The following TSLP variants were observed in gnomAD, a reference collection of about 807,000 sequenced individuals.
TSLP encodes thymic stromal lymphopoietin, also known as thymic stroma-derived lymphopoietin.
A neutral mutation model predicts 12.4 loss-of-function variants in TSLP; 12 were observed. The ratio of observed to expected loss-of-function variants is 0.97; its 90% CI spans 0.62 to 1.57. The LOEUF is 1.57. Among genes scored for constraint, TSLP ranks in the 40% most tolerant of loss-of-function variants. The pLI, the probability that TSLP is intolerant of heterozygous loss-of-function variation, is 0.00. For synonymous variants in TSLP, 97 were observed against 69.5 expected, an observed-to-expected ratio of 1.40 and a Z score of -1.97; for missense variants, 222 against 189.6, an observed-to-expected ratio of 1.17 and a Z score of -1.00.
chr5:111,073,739 T>C lies in TSLP; in HGVS notation c.351+94T>C, dbSNP rs1025255353. 4 of 1,417,424 alleles carry C rather than the reference T, an allele frequency of 2.8e-6. No homozygotes were observed. The African/African-American group carries it at 4.3e-5, about 15-fold the overall frequency. 87.8% of individuals were successfully genotyped at this position (1,417,424 alleles called of 1,614,324 possible). On this transcript the variant is annotated intron_variant, in intron 3 of 3. Transcript: ENST00000344895. ...CAGAAGTCGTTCTCTTATTTTTATT[T>C]AGGTTTTATCTTTCGAAGAGCAAAC...
chr5:111,071,543 C>T, upstream of TSLP: 4 of 1,541,206 alleles, frequency 2.6e-6, no homozygotes, highest in Non-Finnish European at 3.5e-6. Flanking sequence ...GATGACTTTA[C>T]TGATGTTAAA....
chr5:111,070,703 G>C (rs769466431), upstream of TSLP: 1 of 152,332 alleles, frequency 6.6e-6, no homozygotes, highest in Non-Finnish European at 1.5e-5. Context: ...GTAAAAATCT[G>C]AGCCCGCCAT....
rs1752506634 is a variant in TSLP, at chr5:111,076,314, A to G, written c.*240A>G. On this transcript the variant is annotated 3_prime_UTR_variant, in exon 4 of 4. Coordinates refer to ENST00000344895, the MANE Select transcript of TSLP (RefSeq NM_033035.5). ...ATTGATGACTGGCTTCATGGCAGTA[A>G]TTCTCGGCTGTAGTTGCATAAGCAT... The G allele has an allele frequency of 6.4e-6, 3 of 469,976 alleles. No homozygotes were observed. In the South Asian group the frequency reaches 8.0e-5, roughly 12 times the overall value. 29.1% of individuals were successfully genotyped at this position (469,976 alleles called of 1,614,324 possible).
chr5:111,072,772 T>C (rs1357130602), intron 1 of TSLP, 116 bp from the exon 2 acceptor site: 8 of 1,018,268 alleles, frequency 7.9e-6, no homozygotes, highest in Non-Finnish European at 1.2e-5. Flanking sequence ...AAAAGGTACC[T>C]GAGTGGAAAC....
upstream of TSLP, chr5:111,070,156 T>C (rs1225127978): frequency 2.6e-5 from 4 of 152,280 alleles, no homozygotes; most frequent in Admixed American, 2.6e-4. Flanking sequence ...AGAGCCATTT[T>C]TGAAGTCAGC....
At position 111,073,483 on chromosome 5, in the gene TSLP, T is replaced by A. The variant is rs1224336075; in HGVS notation, c.217-28T>A. ...TTCTCTCTCTGGTGTTTTCTCCTTT[T>A]CTCGTAAACTTTGCCGCCTATGAGC... is the stretch of plus-strand genomic sequence containing the variant. On this transcript the variant is annotated intron_variant, in intron 2 of 3. Coordinates refer to ENST00000344895, the MANE Select transcript of TSLP (RefSeq NM_033035.5). 5.0e-6 allele frequency: 8 copies of A among 1,613,624 alleles called. No individual in the cohort carries two copies. The South Asian group carries it at 7.7e-5, about 16-fold the overall frequency.
chr5:111,072,842 G>A, intron 1 of TSLP, 46 bp from the exon 2 acceptor site: 1 of 1,599,298 alleles, frequency 6.3e-7, no homozygotes, highest in Non-Finnish European at 8.6e-7. Flanking sequence ...TTTCCTTGTG[G>A]ACTTAAAAGT....
chr5:111,071,341 C>T, upstream of TSLP: 1 of 1,081,200 alleles, frequency 9.2e-7, no homozygotes, highest in Admixed American at 3.2e-5. Context: ...GTTCAGAATG[C>T]ATGGGACATA....
At position 111,072,057 on chromosome 5, in the gene TSLP, GT is replaced by G. The variant is rs1439171338; in HGVS notation, c.168del (p.Ser56ArgfsTer27). 16 of 1,607,006 alleles carry G rather than the reference GT, an allele frequency of 1.0e-5. No individual in the cohort carries two copies. The highest frequency in any genetic ancestry group is 1.4e-5 in the Non-Finnish European group (16 of 1,175,006). On this transcript the variant is annotated frameshift_variant, in exon 1 of 4. Coordinates refer to ENST00000344895, the MANE Select transcript of TSLP (RefSeq NM_033035.5). LOFTEE classifies it high-confidence loss of function. Reference sequence around the variant, plus strand: ...TCTAAAGACCTGATTACATATATGAGTGGGGTAAGTGAAGAAGCTTTTTTAA... The same window carrying G: ...TCTAAAGACCTGATTACATATATGAGGGGGTAAGTGAAGAAGCTTTTTTAA... ...TISKDLITYMSGTKSTEFNNT... is the reference protein window; with the variant it reads ...TISKDLITYMXGTKSTEFNNT...
intron 3 of TSLP, among the ~76,000 whole-genome samples, chr5:111,074,309 A>G (rs562497891): frequency 1.2e-4 from 19 of 152,328 alleles, no homozygotes; most frequent in African/African-American, 4.6e-4. Context: ...TCCTGGCCCT[A>G]TAACTTCTGT....
chr5:111,075,555 C>G lies in TSLP; in HGVS notation c.352-391C>G, dbSNP rs79283270. Among the ~76,000 whole-genome samples, 143 of 152,310 alleles carry G rather than the reference C, an allele frequency of 9.4e-4. 3 individuals are homozygous for G. In the East Asian group the frequency reaches 0.026, roughly 27 times the overall value. On this transcript the variant is annotated intron_variant, in intron 3 of 3. Transcript: ENST00000344895. The stretch of plus-strand genomic sequence containing the variant: ...AGCAATTTATTCATTTACTTAATCA[C>G]TCAACAAATATTCAGTGTTTCCTAT...
intron 3 of TSLP, 128 bp from the exon 4 acceptor site, chr5:111,075,818 A>G: frequency 1.1e-6 from 1 of 946,288 alleles, no homozygotes. Context: ...ATGCTAGCAC[A>G]TAGTAAGCAG....
Position 111,073,539 on chromosome 5 carries a change from T to TAAC in TSLP, c.246_248dup (p.Thr83dup). On this transcript the variant is annotated inframe_insertion, in exon 3 of 4. Coordinates refer to ENST00000344895, the MANE Select transcript of TSLP (RefSeq NM_033035.5). The stretch of plus-strand genomic sequence containing the variant: ...CATTGCCTTACTGAAATCCAGAGCC[T>TAAC]AACCTTCAATCCCACCGCCGGCTGC... 1 of 1,614,196 alleles carries TAAC rather than the reference T, an allele frequency of 6.2e-7. No individual in the cohort carries two copies. Among genetic ancestry groups the TAAC allele is most frequent in the Non-Finnish European group, 8.5e-7 (1 of 1,180,034 alleles).
intron 1 of TSLP, among the ~76,000 whole-genome samples, chr5:111,072,662 G>T (rs934351373): frequency 6.6e-6 from 1 of 152,146 alleles, no homozygotes; most frequent in African/African-American, 2.4e-5. Flanking sequence ...GGGAAGGGAG[G>T]GGGGAGGTCG....
At position 111,073,835 on chromosome 5, in the gene TSLP, A is replaced by T. The variant is rs1752414498; in HGVS notation, c.351+190A>T. Among the ~76,000 whole-genome samples the T allele has an allele frequency of 3.3e-5, 5 of 152,168 alleles. No homozygotes were observed. The South Asian group carries it at 1.0e-3, about 32-fold the overall frequency. ...CCCGGAATCAAACTCACCTATTTCT[A>T]CGGTTCTGATACTGTTTTGGCTGAA... On this transcript the variant is annotated intron_variant, in intron 3 of 3. Transcript: ENST00000344895.
At chr5:111,074,590 A>G (rs973869669) in intron 3 of TSLP, among the ~76,000 whole-genome samples, 13 of 145,832 alleles carry the variant, frequency 8.9e-5, no homozygotes, top group Non-Finnish European at 1.8e-4. Context: ...AGTGGACTTT[A>G]TATGTCTACA....
chr5:111,073,439 C>G, intron 2 of TSLP, 72 bp from the exon 3 acceptor site: 1 of 1,600,810 alleles, frequency 6.2e-7, no homozygotes, highest in South Asian at 1.1e-5. Context: ...TCCCCTTTCA[C>G]TCAATTCTCA....
chr5:111,071,865 A>G lies in TSLP; in HGVS notation c.-26A>G. On this transcript the variant is annotated 5_prime_UTR_variant, in exon 1 of 4. Transcript: ENST00000344895. ...CGTGGTGGGAAGAGTTTAGTGTGAA[A>G]CTGGGGTGGAATTGGGTGTCCACGT... 1.2e-6 allele frequency: 2 copies of G among 1,608,340 alleles called. No individual in the cohort carries two copies. The highest frequency in any genetic ancestry group is 1.7e-6 in the Non-Finnish European group (2 of 1,175,698).
chr5:111,074,443 G>C (rs1752436839), intron 3 of TSLP, among the ~76,000 whole-genome samples: 1 of 152,160 alleles, frequency 6.6e-6, no homozygotes, highest in South Asian at 2.1e-4. Context: ...TGTAAATGCA[G>C]TTGGAACAGT....
Sources: gnomAD v4.1 joint callset for allele counts (sites outside exome capture counted in the v4.1 genomes callset) on GRCh38, gnomAD v4.1.1 for gene constraint, MANE v1.5 for transcripts, NCBI Gene and HGNC (gene_info 2026-07-23, HGNC 2026-07-21) for gene names.